Variants in SCFD2 observed in about 807,000 individuals in gnomAD.
SCFD2 encodes the protein sec1 family domain-containing protein 2.
In SCFD2, 54 loss-of-function variants were observed where a neutral mutation model predicts 58.9. The ratio of observed to expected loss-of-function variants is 0.92; its 90% CI spans 0.74 to 1.15. The LOEUF (loss-of-function observed/expected upper bound fraction) is 1.15, where lower values mean the gene tolerates loss of function less well. SCFD2 is among the 50% of genes most tolerant of loss of function. The pLI, the probability that SCFD2 is intolerant of heterozygous loss-of-function variation, is 0.00. For missense variants in SCFD2, 805 were observed against 836.6 expected, an observed-to-expected ratio of 0.96 and a Z score of 0.47; for synonymous variants, 321 against 335.9, an observed-to-expected ratio of 0.96 and a Z score of 0.49.
chr4:53,324,341 C>T (rs1474038426), intron 2 of SCFD2, among the ~76,000 whole-genome samples: 1 of 149,068 alleles, frequency 6.7e-6, no homozygotes, highest in Non-Finnish European at 1.5e-5. Flanking sequence ...TCGCTTGAGT[C>T]CAGGAATTTG....
Position 53,126,446 on chromosome 4 carries a change from GC to G in SCFD2, c.1561+18886del, listed in dbSNP as rs576899035. 2.7e-3 allele frequency among the ~76,000 whole-genome samples: 418 copies of G among 152,302 alleles called. 1 individual carries two copies. The highest frequency in any genetic ancestry group is 9.3e-3 in the African/African-American group (385 of 41,550). On this transcript the variant is annotated intron_variant, in intron 5 of 8. Coordinates refer to ENST00000401642, the MANE Select transcript of SCFD2 (RefSeq NM_152540.4). Reference sequence around the variant, plus strand: ...TTCTCCTGCCTCAGCTTCCTGAGTGGCTGGGATTACAGGCATGTGCCACCAT... The same window carrying G: ...TTCTCCTGCCTCAGCTTCCTGAGTGGTGGGATTACAGGCATGTGCCACCAT...
At chr4:52,958,852 T>C (rs949593961) in intron 5 of SCFD2, among the ~76,000 whole-genome samples, 4 of 152,210 alleles carry the variant, frequency 2.6e-5, no homozygotes, top group African/African-American at 9.6e-5. Flanking sequence ...TAATTTACCA[T>C]AAATGAGAAC....
In SCFD2 at chr4:53,365,297, C is replaced by A. The variant is rs1189784646; in HGVS notation, c.645G>T (p.Gln215His). 1.9e-6 allele frequency: 3 copies of A among 1,614,098 alleles called. No individual in the cohort carries two copies. The highest frequency in any genetic ancestry group is 2.5e-6 in the Non-Finnish European group (3 of 1,180,052). Residue 215 changes from glutamine (Q) to histidine (H), a missense_variant, in exon 1 of 9, where the codon CAG becomes CAT. Transcript: ENST00000401642. This position sits in a 1 kb window ranked among gnomAD's most constrained non-coding sequence, Gnocchi z 4.3. ...TGAGGCCTGACACTAGGCATCTGATCTGCAGCAGCAGCTCTGGGGTTAGCG... is the reference window on the plus strand; with the variant it reads ...TGAGGCCTGACACTAGGCATCTGATATGCAGCAGCAGCTCTGGGGTTAGCG... ...STTLTPELLL[Q>H]IRCLVSGLSS...
chr4:53,113,936 C>T (rs1176834764), intron 5 of SCFD2, among the ~76,000 whole-genome samples: 1 of 152,070 alleles, frequency 6.6e-6, no homozygotes, highest in Non-Finnish European at 1.5e-5. Flanking sequence ...TTTCTTCTCA[C>T]TGTTTTAGTA....
chr4:53,328,000 T>C (rs867157521), intron 2 of SCFD2, among the ~76,000 whole-genome samples: 3 of 151,898 alleles, frequency 2.0e-5, no homozygotes, highest in Admixed American at 6.6e-5. Flanking sequence ...CCAGGCATGG[T>C]GGCATGTGCC....
intron 5 of SCFD2, among the ~76,000 whole-genome samples, chr4:53,112,951 T>TA (rs1240790979): frequency 1.3e-4 from 20 of 152,000 alleles, no homozygotes; most frequent in Non-Finnish European, 2.6e-4. Context: ...CCAGATAAAA[T>TA]ATAAATATTA....
intron 5 of SCFD2, among the ~76,000 whole-genome samples, chr4:52,960,006 T>C (rs1720808315): frequency 6.6e-6 from 1 of 152,078 alleles, no homozygotes. Context: ...TCATTTTTAC[T>C]GAGAATAAGT....
intron 5 of SCFD2, among the ~76,000 whole-genome samples, chr4:52,998,672 T>C (rs1308393530): frequency 6.6e-6 from 1 of 152,220 alleles, no homozygotes; most frequent in East Asian, 1.9e-4. Context: ...AAAAGAAGAC[T>C]GATGCTCAAC....
chr4:53,216,012 A>T (rs1728817303), intron 4 of SCFD2, among the ~76,000 whole-genome samples: 1 of 152,158 alleles, frequency 6.6e-6, no homozygotes, highest in African/African-American at 2.4e-5. Flanking sequence ...ATCATGGTGG[A>T]TAAGCTTTCT....
At chr4:52,918,326 A>C (rs1719655623) in intron 6 of SCFD2, among the ~76,000 whole-genome samples, 1 of 152,224 alleles carries the variant, frequency 6.6e-6, no homozygotes, top group African/African-American at 2.4e-5. Context: ...GATCTGTAAT[A>C]AATATATATG....
intron 5 of SCFD2, among the ~76,000 whole-genome samples, chr4:53,123,935 C>A (rs1560346139): frequency 6.6e-6 from 1 of 152,190 alleles, no homozygotes; most frequent in Non-Finnish European, 1.5e-5. Context: ...GAAACCACTC[C>A]ATCTAGAGGA....
intron 3 of SCFD2, among the ~76,000 whole-genome samples, chr4:53,279,244 A>G (rs1183917299): frequency 2.6e-5 from 4 of 152,226 alleles, no homozygotes; most frequent in Non-Finnish European, 5.9e-5. Flanking sequence ...AATATATAGC[A>G]ACTTTTTAAA....
chr4:53,357,264 A>AT lies in SCFD2; in HGVS notation c.839-4499_839-4498insA, dbSNP rs1734427543. ...TGGTAAAGCCCCATCTCTACTAAAA[A>AT]ATATATATATATAAATTAGCCAGGT... is the stretch of plus-strand genomic sequence containing the variant. On this transcript the variant is annotated intron_variant, in intron 1 of 8. Transcript: ENST00000401642. 4.0e-5 allele frequency among the ~76,000 whole-genome samples: 6 copies of AT among 151,740 alleles called. No individual in the cohort carries two copies. The South Asian group carries it at 6.3e-4, about 16-fold the overall frequency.
chr4:53,154,044 T>C (rs1278575783), intron 4 of SCFD2, among the ~76,000 whole-genome samples: 3 of 152,204 alleles, frequency 2.0e-5, no homozygotes, highest in Non-Finnish European at 4.4e-5. Context: ...CTTCCCCTCA[T>C]CTTCCTTTTT....
rs367956998 is a variant in SCFD2, at chr4:53,292,300, T to C, written c.1136-18299A>G. 7.6e-4 allele frequency among the ~76,000 whole-genome samples: 116 copies of C among 152,178 alleles called. 1 individual carries two copies. In the South Asian group the frequency reaches 0.017, roughly 22 times the overall value. On this transcript the variant is annotated intron_variant, in intron 3 of 8. Coordinates refer to ENST00000401642, the MANE Select transcript of SCFD2 (RefSeq NM_152540.4). ...TGAGAGAAAATTTTTGCAATCTATCTATCTGGCAAAGGTCTAATATACAGA... is the reference window on the plus strand; with the variant it reads ...TGAGAGAAAATTTTTGCAATCTATCCATCTGGCAAAGGTCTAATATACAGA...
intron 4 of SCFD2, among the ~76,000 whole-genome samples, chr4:53,215,138 T>G: frequency 6.6e-6 from 1 of 152,136 alleles, no homozygotes; most frequent in East Asian, 1.9e-4. Context: ...CAATGCAGGC[T>G]CTTTTTTGGT....
chr4:53,109,790 T>C (rs1725116618), intron 5 of SCFD2, among the ~76,000 whole-genome samples: 1 of 152,108 alleles, frequency 6.6e-6, no homozygotes, highest in Non-Finnish European at 1.5e-5. Flanking sequence ...AATGGCCATA[T>C]TGTCCAAAGT....
At chr4:53,164,747 C>T (rs941566995) in intron 4 of SCFD2, among the ~76,000 whole-genome samples, 15 of 143,528 alleles carry the variant, frequency 1.0e-4, no homozygotes, top group African/African-American at 3.4e-4. Context: ...GCCGAGATCA[C>T]GCCATTGCAG....
chr4:53,089,516 T>C (rs1724411988), intron 5 of SCFD2, among the ~76,000 whole-genome samples: 1 of 152,180 alleles, frequency 6.6e-6, no homozygotes, highest in Non-Finnish European at 1.5e-5. Context: ...TAACTGAATA[T>C]GGAATCAGCT....
Sources: gnomAD v4.1 joint callset for allele counts (sites outside exome capture counted in the v4.1 genomes callset) on GRCh38, gnomAD v4.1.1 for gene constraint, Gnocchi (gnomAD v3.1) non-coding constraint, MANE v1.5 for transcripts, NCBI Gene and HGNC (gene_info 2026-07-23, HGNC 2026-07-21) for gene names.